The following VWA3B variants were observed in gnomAD, a reference collection of about 807,000 sequenced individuals.
VWA3B encodes von Willebrand factor A domain containing 3B, also known as von Willebrand factor A domain-containing protein 3B.
In VWA3B, 138 loss-of-function variants were observed where a neutral mutation model predicts 158.3. The observed-to-expected ratio is 0.87, with a 90% confidence interval of 0.76 to 1.00. The LOEUF (loss-of-function observed/expected upper bound fraction) is 1.00, where lower values mean the gene tolerates loss of function less well. Ranked by LOEUF, VWA3B falls within the 50% of genes least tolerant of loss-of-function variation. The probability of loss-of-function intolerance (pLI) is 0.00; values close to 1 mark genes in which losing one functional copy is unlikely to be tolerated. For synonymous variants in VWA3B, 596 were observed against 587.3 expected (o/e 1.01, Z -0.21); for missense variants, 1,555 against 1,565.1 (o/e 0.99, Z 0.11).
chr2:98,203,221 A>G (rs547161471), intron 12 of VWA3B, among the ~76,000 whole-genome samples: 11 of 152,256 alleles, frequency 7.2e-5, no homozygotes, highest in African/African-American at 2.4e-4. Flanking sequence ...GTTTTTGCTC[A>G]TTTGCCAAAA....
intron 19 of VWA3B, 188 bp downstream of exon 19, chr2:98,236,918 G>GTTGGCCGGGCACAGTGGC: frequency 1.4e-6 from 1 of 718,680 alleles, no homozygotes. Context: ...GCGCATGCCT[G>GTTGGCCGGGCACAGTGGC]TAACCCCAGC....
chr2:98,108,994 CTTT>C (rs56760057), intron 2 of VWA3B, among the ~76,000 whole-genome samples: 3 of 132,578 alleles, frequency 2.3e-5, no homozygotes, highest in Non-Finnish European at 3.2e-5. Context: ...CTTTTCTTTT[CTTT>C]TTTTTTTTTT....
intron 17 of VWA3B, among the ~76,000 whole-genome samples, chr2:98,235,560 G>A (rs1456993750): frequency 1.3e-5 from 2 of 152,004 alleles, no homozygotes; most frequent in East Asian, 3.8e-4. Context: ...CGAGTAGCTG[G>A]GATTACAGGC....
intron 22 of VWA3B, among the ~76,000 whole-genome samples, chr2:98,283,649 C>T (rs1276416387): frequency 6.6e-6 from 1 of 152,244 alleles, no homozygotes; most frequent in Admixed American, 6.5e-5. Flanking sequence ...GCATTTCTCT[C>T]ATCTTGTGGG....
At chr2:98,287,887 T>C (rs111619622) in intron 22 of VWA3B, among the ~76,000 whole-genome samples, 5,932 of 152,248 alleles carry the variant, frequency 0.039, 168 homozygotes, top group Middle Eastern at 0.075. Flanking sequence ...TACATGGTCT[T>C]TTTCTTCTGT....
intron 1 of VWA3B, 78 bp from the exon 2 acceptor site, chr2:98,092,983 T>A: frequency 1.0e-6 from 1 of 990,680 alleles, no homozygotes; most frequent in Non-Finnish European, 1.5e-6. Context: ...TACTATAATT[T>A]ATGTTAAGCC....
chr2:98,152,241 T>A (rs1558608221), intron 7 of VWA3B, among the ~76,000 whole-genome samples: 1 of 152,204 alleles, frequency 6.6e-6, no homozygotes, highest in Non-Finnish European at 1.5e-5. Context: ...ACTTCTCTGT[T>A]GTCAGACTGA....
intron 19 of VWA3B, among the ~76,000 whole-genome samples, chr2:98,241,941 C>A (rs1445631712): frequency 6.6e-6 from 1 of 152,104 alleles, no homozygotes; most frequent in East Asian, 1.9e-4. Context: ...GGAAGACACC[C>A]TCAGCTATAA....
intron 10 of VWA3B, among the ~76,000 whole-genome samples, chr2:98,189,697 T>A (rs763479724): frequency 6.6e-6 from 1 of 152,218 alleles, no homozygotes. Flanking sequence ...TAGTCTTTAA[T>A]TCTCATTTCA....
chr2:98,286,227 A>G (rs985233001), intron 22 of VWA3B, among the ~76,000 whole-genome samples: 1 of 152,138 alleles, frequency 6.6e-6, no homozygotes, highest in Non-Finnish European at 1.5e-5. Context: ...GAATAAAGAC[A>G]GTTTTACTTG....
At chr2:98,142,554 A>G (rs754319189) in intron 7 of VWA3B, among the ~76,000 whole-genome samples, 1 of 152,182 alleles carries the variant, frequency 6.6e-6, no homozygotes, top group East Asian at 1.9e-4. Context: ...CAAGTTTGCA[A>G]TGAGCCTGGT....
chr2:98,099,565 T>C lies in VWA3B; in HGVS notation c.196+6277T>C, dbSNP rs559009750. ...TAAAATCTTTTGGGGTAGTCTTATT[T>C]AGATTGGGTTGGAGGATTAGAGACT... is the stretch of plus-strand genomic sequence containing the variant. On this transcript the variant is annotated intron_variant, in intron 2 of 27. Transcript: ENST00000477737. 7.2e-5 allele frequency among the ~76,000 whole-genome samples: 11 copies of C among 152,276 alleles called. No homozygotes were observed. In the South Asian group the frequency reaches 1.9e-3, roughly 26 times the overall value.
At chr2:98,129,065 T>C (rs953876143) in intron 6 of VWA3B, among the ~76,000 whole-genome samples, 9 of 150,836 alleles carry the variant, frequency 6.0e-5, no homozygotes, top group Non-Finnish European at 4.4e-5. Flanking sequence ...TAACAAGTAT[T>C]TATTTCTTAC....
At position 98,119,761 on chromosome 2, in the gene VWA3B, A is replaced by C; in HGVS notation, c.540A>C (p.Ile180=). Residue 180 remains isoleucine (I), a splice_region_variant and synonymous_variant, in exon 4 of 28, where the codon ATA becomes ATC. Transcript: ENST00000477737. ...QVAHITEFNI[I]RVSQEPVKWQ... is the part of the protein sequence containing the mutation. ...CTCACATAACCGAGTTCAATATCATACGGTGAGTTCCCATAGGAAGGGAGT... is the reference window on the plus strand; with the variant it reads ...CTCACATAACCGAGTTCAATATCATCCGGTGAGTTCCCATAGGAAGGGAGT... 2 of 1,613,722 alleles carry C rather than the reference A, an allele frequency of 1.2e-6. No homozygotes were observed. Among genetic ancestry groups the C allele is most frequent in the Non-Finnish European group, 1.7e-6 (2 of 1,179,634 alleles).
At chr2:98,245,639 T>G (rs1185942194) in intron 19 of VWA3B, 2 of 456,320 alleles carry the variant, frequency 4.4e-6, no homozygotes, top group African/African-American at 4.0e-5. Context: ...CTTAAATACA[T>G]TAAGTCAGGA....
intron 19 of VWA3B, among the ~76,000 whole-genome samples, chr2:98,245,160 C>T (rs950368620): frequency 1.3e-5 from 2 of 152,082 alleles, no homozygotes; most frequent in African/African-American, 4.8e-5. Flanking sequence ...AAGAGTCCCT[C>T]GTTAGCCAGT....
downstream of VWA3B, among the ~76,000 whole-genome samples, chr2:98,314,760 C>T (rs76900987): frequency 2.0e-3 from 301 of 152,224 alleles, 2 homozygotes; most frequent in African/African-American, 6.8e-3. Flanking sequence ...TGGTGGCTCA[C>T]GCCTGTTATC....
chr2:98,299,013 A>G (rs1042600019), intron 24 of VWA3B, among the ~76,000 whole-genome samples: 1 of 152,146 alleles, frequency 6.6e-6, no homozygotes, highest in Non-Finnish European at 1.5e-5. Context: ...GGTTGCAGGG[A>G]GACTGGCCTT....
At chr2:98,263,620 T>C (rs879146796) in intron 21 of VWA3B, among the ~76,000 whole-genome samples, 1 of 152,060 alleles carries the variant, frequency 6.6e-6, no homozygotes, top group East Asian at 1.9e-4. Flanking sequence ...CTTTTTAACA[T>C]GCTGTTTAAT....
Sources: allele counts gnomAD v4.1 joint callset (sites outside exome capture counted in the v4.1 genomes callset), GRCh38; gene constraint gnomAD v4.1.1; transcripts MANE v1.5; gene names NCBI Gene and HGNC (gene_info 2026-07-23, HGNC 2026-07-21).